The following MARCHF5 variants were observed in gnomAD, a reference collection of about 807,000 sequenced individuals.
MARCHF5 encodes E3 ubiquitin-protein ligase MARCHF5.
Under a neutral mutation model 36.5 loss-of-function variants are expected in MARCHF5, and 5 were observed. The ratio of observed to expected loss-of-function variants is 0.14; its 90% confidence interval spans 0.07 to 0.29. MARCHF5 has a LOEUF of 0.29. MARCHF5 is among the 10% of genes least tolerant of loss of function. MARCHF5 has a pLI of 1.00. For missense variants in MARCHF5, 179 were observed against 336.3 expected, an observed-to-expected ratio of 0.53 and a Z score of 3.66; for synonymous variants, 103 against 109.9, an observed-to-expected ratio of 0.94 and a Z score of 0.39.
chr10:92,307,944 CTTT>C (rs767555499), intron 1 of MARCHF5, among the ~76,000 whole-genome samples: 1 of 142,066 alleles, frequency 7.0e-6, no homozygotes, highest in Non-Finnish European at 1.5e-5. Context: ...TGCTTCCCCC[CTTT>C]TTTTTTTTTT....
chr10:92,335,391 T>C (rs1281314307), intron 2 of MARCHF5, among the ~76,000 whole-genome samples: 1 of 152,248 alleles, frequency 6.6e-6, no homozygotes, highest in Non-Finnish European at 1.5e-5. Flanking sequence ...GCTTGCCAGA[T>C]AATCTTTAGC....
Position 92,292,044 on chromosome 10 carries a change from C to G in MARCHF5, c.35+515C>G, listed in dbSNP as rs1407589258. On this transcript the variant is annotated intron_variant, in intron 1 of 5. Coordinates refer to ENST00000358935, the MANE Select transcript of MARCHF5 (RefSeq NM_017824.5). Reference sequence around the variant, plus strand: ...CCGTCCCCCCCGCCCCATCCCGTCCCCACCTCCGAACTGTAAGGTCAGAGT... The same window carrying G: ...CCGTCCCCCCCGCCCCATCCCGTCCGCACCTCCGAACTGTAAGGTCAGAGT... Among the ~76,000 whole-genome samples, 8 of 151,192 alleles carry G rather than the reference C, an allele frequency of 5.3e-5. No homozygotes were observed. The East Asian group carries it at 1.2e-3, about 22-fold the overall frequency.
chr10:92,325,608 G>T (rs780405562), intron 2 of MARCHF5, among the ~76,000 whole-genome samples: 5 of 151,962 alleles, frequency 3.3e-5, no homozygotes, highest in Non-Finnish European at 7.4e-5. Flanking sequence ...AGCTATTTCA[G>T]CTCTCTTATA....
intron 1 of MARCHF5, among the ~76,000 whole-genome samples, chr10:92,294,353 T>C (rs936257806): frequency 6.6e-6 from 1 of 152,222 alleles, no homozygotes; most frequent in African/African-American, 2.4e-5. Flanking sequence ...TACATCTCTA[T>C]AAAACAGCAA....
chr10:92,323,656 G>A (rs771598472), intron 2 of MARCHF5, among the ~76,000 whole-genome samples: 5 of 151,850 alleles, frequency 3.3e-5, no homozygotes, highest in East Asian at 3.9e-4. Flanking sequence ...AGTTGGACTC[G>A]TACAGTATGT....
intron 2 of MARCHF5, among the ~76,000 whole-genome samples, chr10:92,313,117 C>T (rs1843165750): frequency 6.6e-6 from 1 of 152,028 alleles, no homozygotes; most frequent in African/African-American, 2.4e-5. Flanking sequence ...GCCTGTAGTC[C>T]CAGCTACTCA....
At chr10:92,297,166 CTTTTT>C (rs767761093) in intron 1 of MARCHF5, among the ~76,000 whole-genome samples, 2 of 137,860 alleles carry the variant, frequency 1.5e-5, no homozygotes, top group Non-Finnish European at 3.2e-5. Flanking sequence ...TAATAGACTA[CTTTTT>C]TTTTTTTTTT....
chr10:92,343,130 T>A (rs1361544948), intron 3 of MARCHF5, among the ~76,000 whole-genome samples: 1 of 152,236 alleles, frequency 6.6e-6, no homozygotes, highest in Non-Finnish European at 1.5e-5. Flanking sequence ...TTCGTTCTGC[T>A]TTAAGGCTGT....
intron 2 of MARCHF5, among the ~76,000 whole-genome samples, chr10:92,336,428 A>G (rs573414265): frequency 2.4e-4 from 36 of 152,346 alleles, no homozygotes; most frequent in South Asian, 6.2e-4. Flanking sequence ...CCATGTTCCA[A>G]TAAAACTTAA....
chr10:92,315,939 A>G (rs1843204074), intron 2 of MARCHF5, among the ~76,000 whole-genome samples: 1 of 152,216 alleles, frequency 6.6e-6, no homozygotes, highest in Admixed American at 6.5e-5. Flanking sequence ...GATTTCTGTG[A>G]AAGTCATAAT....
intron 3 of MARCHF5, among the ~76,000 whole-genome samples, chr10:92,344,431 A>G (rs1461682213): frequency 6.6e-6 from 1 of 152,232 alleles, no homozygotes; most frequent in African/African-American, 2.4e-5. Context: ...TAGTACACAT[A>G]TGTGTTACCA....
In MARCHF5 at chr10:92,291,387, G is replaced by A; in HGVS notation, c.-108G>A. Reference sequence around the variant, plus strand: ...CGGGAAGCTGGGTGACGGGTTCGCGGCTGCCGCCGGACTGCGGCCTACTCC... The same window carrying A: ...CGGGAAGCTGGGTGACGGGTTCGCGACTGCCGCCGGACTGCGGCCTACTCC... On this transcript the variant is annotated 5_prime_UTR_variant, in exon 1 of 6. Coordinates refer to ENST00000358935, the MANE Select transcript of MARCHF5 (RefSeq NM_017824.5). 4 of 1,041,414 alleles carry A rather than the reference G, an allele frequency of 3.8e-6. No homozygotes were observed. The highest frequency in any genetic ancestry group is 5.8e-6 in the Non-Finnish European group (4 of 692,510). 64.5% of individuals were successfully genotyped at this position (1,041,414 alleles called of 1,614,324 possible). A position where few individuals can be genotyped will look rare whatever the true frequency, so the allele number is the denominator to read the frequency against.
chr10:92,322,618 T>A (rs1843303955), intron 2 of MARCHF5, among the ~76,000 whole-genome samples: 1 of 151,002 alleles, frequency 6.6e-6, no homozygotes, highest in African/African-American at 2.4e-5. Flanking sequence ...TTTTGTATTT[T>A]TTTTTTTTTT....
At chr10:92,318,426 CA>C (rs397845333) in intron 2 of MARCHF5, among the ~76,000 whole-genome samples, 84,456 of 124,510 alleles carry the variant, frequency 0.68, 27,667 homozygotes, top group African/African-American at 0.84. Context: ...GACCCTGTCT[CA>C]AAAAAAAAAA....
intron 2 of MARCHF5, among the ~76,000 whole-genome samples, chr10:92,331,929 GTATATATAATCGTA>G (rs1843441364): frequency 1.1e-5 from 1 of 87,614 alleles, no homozygotes; most frequent in Non-Finnish European, 2.5e-5. Context: ...TCATATATAT[GTATATATAATCGTA>G]TATATATGTA....
At chr10:92,294,065 A>T (rs1306864645) in intron 1 of MARCHF5, among the ~76,000 whole-genome samples, 1 of 152,116 alleles carries the variant, frequency 6.6e-6, no homozygotes, top group Non-Finnish European at 1.5e-5. Context: ...AAGATCAAAA[A>T]TTTCTGTAGG....
chr10:92,305,304 G>A (rs1352216593), intron 1 of MARCHF5, among the ~76,000 whole-genome samples: 3 of 152,132 alleles, frequency 2.0e-5, no homozygotes, highest in Non-Finnish European at 2.9e-5. Flanking sequence ...CTACTCGGGA[G>A]GGTGAGACAG....
chr10:92,352,814 A>G lies in MARCHF5; in HGVS notation c.*1607A>G, dbSNP rs932335408. On this transcript the variant is annotated 3_prime_UTR_variant, in exon 6 of 6. Transcript: ENST00000358935. ...GAAGATTTGACTAACAGTGAGCCTTATTAAGAACACTACTACAGTTCTGAA... is the reference window on the plus strand; with the variant it reads ...GAAGATTTGACTAACAGTGAGCCTTGTTAAGAACACTACTACAGTTCTGAA... The G allele has an allele frequency of 3.3e-5, 5 of 152,638 alleles. No homozygotes were observed. The highest frequency in any genetic ancestry group is 7.3e-5 in the Non-Finnish European group (5 of 68,040). The allele number at this position is 152,638 out of a possible 1,614,324, so 9.5% of individuals were successfully genotyped here.
intron 2 of MARCHF5, among the ~76,000 whole-genome samples, chr10:92,322,430 C>G (rs1440831371): frequency 1.5e-5 from 2 of 137,198 alleles, no homozygotes; most frequent in Non-Finnish European, 1.6e-5. Flanking sequence ...TGGGATCTTT[C>G]TTTTTGTCCT....
Sources: gnomAD v4.1 joint callset for allele counts (sites outside exome capture counted in the v4.1 genomes callset) on GRCh38, gnomAD v4.1.1 for gene constraint, MANE v1.5 for transcripts, NCBI Gene and HGNC (gene_info 2026-07-23, HGNC 2026-07-21) for gene names.